KRT33B: variants seen among roughly 807,000 people sequenced by gnomAD.
KRT33B encodes keratin 33B, also known as keratin, type I cuticular Ha3-II.
Under a neutral mutation model 42.7 loss-of-function variants are expected in KRT33B, and 37 were observed. That is an observed-to-expected ratio of 0.87 (90% CI 0.67 to 1.14). KRT33B has a LOEUF of 1.14. Ranked by LOEUF, KRT33B falls within the 50% of genes most tolerant of loss-of-function variation. The probability of loss-of-function intolerance (pLI) is 0.00; values close to 1 mark genes in which losing one functional copy is unlikely to be tolerated. For missense variants in KRT33B, 523 were observed against 515.1 expected (o/e 1.02, Z -0.15); for synonymous variants, 237 against 221.2 (o/e 1.07, Z -0.63).
chr17:41,366,308 G>C (rs755435791), intron 3 of KRT33B, among the ~76,000 whole-genome samples, 162 bp downstream of exon 3: 1 of 151,244 alleles, frequency 6.6e-6, no homozygotes, highest in Non-Finnish European at 1.5e-5. Context: ...ATGTAAAAAA[G>C]GTAAGCTGTC....
chr17:41,368,015 T>C (rs150117624), intron 1 of KRT33B, 25 bp from the exon 2 acceptor site: 3 of 1,604,570 alleles, frequency 1.9e-6, no homozygotes, highest in Non-Finnish European at 2.6e-6. Flanking sequence ...AATCATGAAA[T>C]GGGTTATACT....
chr17:41,369,538 C>A lies in KRT33B; in HGVS notation c.213G>T (p.Leu71=). Residue 71 remains leucine, a synonymous_variant, in exon 1 of 7, where the codon CTG becomes CTT. Transcript: ENST00000251646. Reference sequence around the variant, plus strand: ...CCCGCTCCAGCTGACGCACCTTCTCCAGGTAGCTGGCCAGGCGGTCGTTCA... The same window carrying A: ...CCCGCTCCAGCTGACGCACCTTCTCAAGGTAGCTGGCCAGGCGGTCGTTCA... The part of the protein sequence containing the change: ...QFLNDRLASY[L]EKVRQLERDN... 2 of 1,614,100 alleles carry A rather than the reference C, an allele frequency of 1.2e-6. No individual in the cohort carries two copies. Among genetic ancestry groups the A allele is most frequent in the Non-Finnish European group, 1.7e-6 (2 of 1,180,048 alleles).
At chr17:41,367,770 C>A in intron 2 of KRT33B, 138 bp downstream of exon 2, 2 of 688,888 alleles carry the variant, frequency 2.9e-6, no homozygotes, top group Non-Finnish European at 2.5e-6. Flanking sequence ...GAGGCTTTGA[C>A]ATTTAACCTA....
In KRT33B at chr17:41,363,850, T is replaced by C. The variant is rs1228761462; in HGVS notation, c.1201A>G (p.Thr401Ala). Reference sequence around the variant, plus strand: ...CCCCAGGGTATCTAGTACCCAAAGGTGTTGCAAGGCCCACAGCGGGAACGA... The same window carrying C: ...CCCCAGGGTATCTAGTACCCAAAGGCGTTGCAAGGCCCACAGCGGGAACGA... ...GPRSRCGPCN[T>A]FGY Residue 401 changes from threonine to alanine, a missense_variant, in exon 7 of 7, where the codon ACC (threonine) becomes GCC (alanine). Transcript: ENST00000251646. The C allele has an allele frequency of 1.9e-6, 3 of 1,606,636 alleles. No individual in the cohort carries two copies. Among genetic ancestry groups the C allele is most frequent in the Non-Finnish European group, 1.7e-6 (2 of 1,176,158 alleles).
rs369367319 is a variant in KRT33B at position 41,367,266 on chromosome 17, C to T, written c.432-640G>A. 2.0e-5 allele frequency among the ~76,000 whole-genome samples: 3 copies of T among 151,474 alleles called. No individual in the cohort carries two copies. In the South Asian group the frequency reaches 6.2e-4, roughly 31 times the overall value. ...CTCTGAAAGGCAATGGATTTTGCCT[C>T]CTGTTTTTGTGGTTTAATAACTTCT... On this transcript the variant is annotated intron_variant, in intron 2 of 6. Coordinates refer to ENST00000251646, the MANE Select transcript of KRT33B (RefSeq NM_002279.5).
Position 41,367,294 on chromosome 17 carries a change from T to C in KRT33B, c.431+614A>G, listed in dbSNP as rs545685963. Among the ~76,000 whole-genome samples, 4 of 151,514 alleles carry C rather than the reference T, an allele frequency of 2.6e-5. 1 individual carries two copies. Among genetic ancestry groups the C allele is most frequent in the African/African-American group, 9.8e-5 (4 of 40,790 alleles). The stretch of plus-strand genomic sequence containing the variant: ...GTTTTTGTGGTTTAATAACTTCTTT[T>C]TGGGGGGTTGACAGTGACTAACGTA... On this transcript the variant is annotated intron_variant, in intron 2 of 6. Coordinates refer to ENST00000251646, the MANE Select transcript of KRT33B (RefSeq NM_002279.5).
Position 41,366,513 on chromosome 17 carries a change from G to A in KRT33B, c.545C>T (p.Ser182Phe). 6.2e-7 allele frequency: 1 copy of A among 1,612,696 alleles called. No individual in the cohort carries two copies. Among genetic ancestry groups the A allele is most frequent in the Non-Finnish European group, 8.5e-7 (1 of 1,180,024 alleles). ...GAGGGACAGCAGCTCCTCCTTCAGG[G>A]ACTCCATCTGGGCCTCCAGGTCAGA... ...CRSDLEAQME[S>F]LKEELLSLKQ... The change falls in exon 3 of 7, where the codon TCC becomes TTC. Residue 182 changes from serine (S) to phenylalanine (F), a missense_variant. Physicochemically the swap from Ser to Phe is radical, Grantham distance 155. Transcript: ENST00000251646.
Position 41,363,858 on chromosome 17 carries a change from G to A in KRT33B, c.1193C>T (p.Pro398Leu). The change falls in exon 7 of 7, where the codon CCT (proline) becomes CTT (leucine). Residue 398 changes from proline to leucine, a missense_variant. Transcript: ENST00000251646. ...NPCGPRSRCGPCNTFGY is the reference protein window; with the variant it reads ...NPCGPRSRCGLCNTFGY ...TATCTAGTACCCAAAGGTGTTGCAA[G>A]GCCCACAGCGGGAACGAGGACCACA... 1 of 1,609,288 alleles carries A rather than the reference G, an allele frequency of 6.2e-7. No individual in the cohort carries two copies. The highest frequency in any genetic ancestry group is 8.5e-7 in the Non-Finnish European group (1 of 1,178,044).
chr17:41,365,626 T>C lies in KRT33B; in HGVS notation c.589-73A>G, dbSNP rs891099617. Reference sequence around the variant, plus strand: ...ATAACTTCTTTGAGGCAGTTCAATATAATGGGAAGAGGATTGCATTGCAGC... The same window carrying C: ...ATAACTTCTTTGAGGCAGTTCAATACAATGGGAAGAGGATTGCATTGCAGC... On this transcript the variant is annotated intron_variant, in intron 3 of 6. Transcript: ENST00000251646. The C allele has an allele frequency of 5.2e-5, 80 of 1,533,392 alleles. No homozygotes were observed. In the East Asian group the frequency reaches 1.8e-3, roughly 34 times the overall value. 95.0% of individuals were successfully genotyped at this position (1,533,392 alleles called of 1,614,324 possible).
chr17:41,364,649 C>T (rs925912061), intron 6 of KRT33B, 130 bp downstream of exon 6: 4 of 1,175,692 alleles, frequency 3.4e-6, no homozygotes, highest in East Asian at 2.4e-5. Flanking sequence ...ACACTTCCCA[C>T]GGCTGTAATA....
At chr17:41,365,740 G>C (rs773453270) in intron 3 of KRT33B, among the ~76,000 whole-genome samples, 187 bp from the exon 4 acceptor site, 3 of 151,364 alleles carry the variant, frequency 2.0e-5, no homozygotes, top group Admixed American at 2.0e-4. Context: ...TGATACGGCT[G>C]CTTCATTAAA....
intron 2 of KRT33B, among the ~76,000 whole-genome samples, chr17:41,367,327 A>C (rs1283364651): frequency 1.3e-5 from 2 of 151,450 alleles, no homozygotes; most frequent in Non-Finnish European, 2.9e-5. Flanking sequence ...GTATACAAAG[A>C]GACCAATGTG....
At chr17:41,366,119 A>G (rs2017697712) in intron 3 of KRT33B, among the ~76,000 whole-genome samples, 1 of 151,198 alleles carries the variant, frequency 6.6e-6, no homozygotes, top group Non-Finnish European at 1.5e-5. Flanking sequence ...TCTAGGTGAA[A>G]CAGAGTGTAA....
intron 3 of KRT33B, 108 bp from the exon 4 acceptor site, chr17:41,365,661 A>G (rs1416948771): frequency 1.3e-5 from 18 of 1,412,310 alleles, no homozygotes; most frequent in Non-Finnish European, 1.6e-5. Flanking sequence ...CTTAGGAAAC[A>G]TGAGTTGAAG....
At position 41,369,415 on chromosome 17, in the gene KRT33B, C is replaced by T; in HGVS notation, c.336G>A (p.Glu112=). The change falls in exon 1 of 7, where the codon GAG becomes GAA. Residue 112 remains glutamate, a synonymous_variant. Transcript: ENST00000251646. ...CCCACCTCCTCACCTTCTGCTGGAG[C>T]TCCTCAATGGTCTTGAAGTAGGACT... ...SYQSYFKTIE[E]LQQKILCSKS... is the part of the protein sequence containing the mutation. The T allele has an allele frequency of 6.2e-7, 1 of 1,613,074 alleles. No homozygotes were observed. Among genetic ancestry groups the T allele is most frequent in the South Asian group, 1.1e-5 (1 of 91,084 alleles).
intron 1 of KRT33B, among the ~76,000 whole-genome samples, chr17:41,368,652 T>C (rs562322973): frequency 4.0e-5 from 6 of 151,472 alleles, no homozygotes; most frequent in African/African-American, 1.5e-4. Flanking sequence ...ATGAATGATA[T>C]TCAAATAGCA....
In KRT33B at chr17:41,363,815, C is replaced by T. The variant is rs2017654768; in HGVS notation, c.*21G>A. 2 of 1,519,870 alleles carry T rather than the reference C, an allele frequency of 1.3e-6. No homozygotes were observed. Among genetic ancestry groups the T allele is most frequent in the South Asian group, 2.3e-5 (2 of 86,042 alleles). 94.1% of individuals were successfully genotyped at this position (1,519,870 alleles called of 1,614,324 possible). ...ATGGTAGTTCTGTCTTCATGCTATA[C>T]TTCTGCTGGCCCCAGGGTATCTAGT... On this transcript the variant is annotated 3_prime_UTR_variant, in exon 7 of 7. Coordinates refer to ENST00000251646, the MANE Select transcript of KRT33B (RefSeq NM_002279.5).
intron 6 of KRT33B, 123 bp from the exon 7 acceptor site, chr17:41,364,076 G>C (rs1277321346): frequency 1.5e-6 from 1 of 659,710 alleles, no homozygotes; most frequent in East Asian, 2.7e-5. Context: ...GCCATGCCTT[G>C]TTTGGATCAC....
intron 5 of KRT33B, 64 bp from the exon 6 acceptor site, chr17:41,365,063 G>A (rs907789864): frequency 1.2e-6 from 2 of 1,607,988 alleles, no homozygotes; most frequent in Middle Eastern, 1.7e-4. Flanking sequence ...CATGGGGTTC[G>A]AAAAAACTCA....
Sources: allele counts gnomAD v4.1 joint callset (sites outside exome capture counted in the v4.1 genomes callset), GRCh38; gene constraint gnomAD v4.1.1; transcripts MANE v1.5; gene names NCBI Gene and HGNC (gene_info 2026-07-23, HGNC 2026-07-21).